NAALADL2: variants seen among roughly 807,000 people sequenced by gnomAD.
The protein encoded by NAALADL2 is N-acetylated alpha-linked acidic dipeptidase like 2, also known as inactive N-acetylated-alpha-linked acidic dipeptidase-like protein 2.
NAALADL2 carries 76 observed loss-of-function variants against 87.2 expected under a neutral mutation model. That is an observed-to-expected ratio of 0.87 (90% CI 0.72 to 1.05). The LOEUF is 1.05. Ranked by LOEUF, NAALADL2 falls within the 50% of genes least tolerant of loss-of-function variation. The pLI is 0.00. For synonymous variants in NAALADL2, 354 were observed against 331.0 expected (o/e 1.07, Z -0.75); for missense variants, 1,089 against 945.8 (o/e 1.15, Z -1.99).
At chr3:175,031,070 C>A (rs1752743290) in intron 1 of NAALADL2, among the ~76,000 whole-genome samples, 1 of 151,932 alleles carries the variant, frequency 6.6e-6, no homozygotes, top group Non-Finnish European at 1.5e-5. Context: ...TATTATAAAA[C>A]TGTTAAATAC....
intron 2 of NAALADL2, among the ~76,000 whole-genome samples, chr3:175,178,776 T>A (rs1438666431): frequency 6.6e-6 from 1 of 151,978 alleles, no homozygotes; most frequent in Non-Finnish European, 1.5e-5. Flanking sequence ...GGACCAGTGC[T>A]TGAAATCTTT....
intron 2 of NAALADL2, among the ~76,000 whole-genome samples, chr3:174,608,115 C>T (rs1406738974): frequency 6.6e-6 from 1 of 151,502 alleles, no homozygotes; most frequent in African/African-American, 2.4e-5. Flanking sequence ...TCTTTGAAAC[C>T]AACGAGAACA....
intron 2 of NAALADL2, among the ~76,000 whole-genome samples, chr3:174,552,341 A>G (rs1285821017): frequency 7.2e-5 from 11 of 152,206 alleles, no homozygotes; most frequent in Non-Finnish European, 1.6e-4. Flanking sequence ...CTAATTGTCT[A>G]GTATTAGAAT....
intron 5 of NAALADL2, among the ~76,000 whole-genome samples, chr3:175,418,793 T>C (rs1715127810): frequency 6.6e-6 from 1 of 152,012 alleles, no homozygotes; most frequent in African/African-American, 2.4e-5. Context: ...CTTGGTTTTA[T>C]ATTGCTTTGA....
chr3:175,505,801 G>C (rs1222379750), intron 9 of NAALADL2, among the ~76,000 whole-genome samples: 2 of 152,208 alleles, frequency 1.3e-5, no homozygotes, highest in Non-Finnish European at 2.9e-5. Flanking sequence ...GAGGTATAGA[G>C]TAAGAACTAT....
chr3:174,731,494 T>A (rs1156338228), intron 2 of NAALADL2, among the ~76,000 whole-genome samples: 1 of 152,136 alleles, frequency 6.6e-6, no homozygotes, highest in African/African-American at 2.4e-5. Context: ...TGGTGAAACA[T>A]AATTAATATA....
Position 175,206,532 on chromosome 3 carries a change from G to T in NAALADL2, c.546-27399G>T, listed in dbSNP as rs115293779. 6.3e-3 allele frequency among the ~76,000 whole-genome samples: 948 copies of T among 151,316 alleles called. 7 individuals carry two copies. The highest frequency in any genetic ancestry group is 0.02 in the African/African-American group (827 of 41,156). ...AAGCCATGAGGACACATAAGAGTGA[G>T]ACAATGGACTGTGGGGACTTGGTGG... On this transcript the variant is annotated intron_variant, in intron 2 of 13. Coordinates refer to ENST00000454872, the MANE Select transcript of NAALADL2 (RefSeq NM_207015.3).
chr3:174,465,009 A>G (rs1169387544), intron 1 of NAALADL2, among the ~76,000 whole-genome samples: 2 of 152,098 alleles, frequency 1.3e-5, no homozygotes, highest in Non-Finnish European at 2.9e-5. Context: ...AAACTTTGGT[A>G]TCTTACTTCA....
chr3:175,204,251 T>A (rs188848257), intron 2 of NAALADL2, among the ~76,000 whole-genome samples: 2 of 152,280 alleles, frequency 1.3e-5, no homozygotes, highest in Admixed American at 1.3e-4. Context: ...TCTGCCATGA[T>A]CAAGTGGGTT....
intron 1 of NAALADL2, among the ~76,000 whole-genome samples, chr3:175,003,057 G>A (rs951230775): frequency 3.3e-5 from 5 of 152,218 alleles, no homozygotes; most frequent in Non-Finnish European, 7.3e-5. Flanking sequence ...AGTGCTCACT[G>A]TAGAGAAGCT....
At chr3:174,512,468 G>A (rs1719663444) in intron 1 of NAALADL2, among the ~76,000 whole-genome samples, 1 of 152,090 alleles carries the variant, frequency 6.6e-6, no homozygotes, top group South Asian at 2.1e-4. Flanking sequence ...GAACTGTTGA[G>A]AACTCTGAAA....
At chr3:175,225,879 C>G (rs1744086043) in intron 2 of NAALADL2, among the ~76,000 whole-genome samples, 1 of 152,066 alleles carries the variant, frequency 6.6e-6, no homozygotes. Flanking sequence ...ATGAAATTAT[C>G]TCCTGCACAA....
At chr3:175,339,157 G>A (rs1762334859) in intron 5 of NAALADL2, among the ~76,000 whole-genome samples, 1 of 139,078 alleles carries the variant, frequency 7.2e-6, no homozygotes, top group Non-Finnish European at 1.7e-5. Context: ...TTAAATCTTG[G>A]ATTTAATATT....
In NAALADL2 at chr3:175,340,999, G is replaced by GT. The variant is rs574283868; in HGVS notation, c.1090+16685dup. Among the ~76,000 whole-genome samples the GT allele has an allele frequency of 7.0e-3, 1,021 of 145,190 alleles. 7 individuals carry two copies. Among genetic ancestry groups the GT allele is most frequent in the African/African-American group, 0.019 (742 of 40,052 alleles). On this transcript the variant is annotated intron_variant, in intron 5 of 13. Coordinates refer to ENST00000454872, the MANE Select transcript of NAALADL2 (RefSeq NM_207015.3). ...CCAAGAAAGTGTGACTTCAACTAAG[G>GT]TTTTTTTTTTTAATGAGATATGATT...
intron 12 of NAALADL2, among the ~76,000 whole-genome samples, chr3:175,739,018 C>A (rs1436231369): frequency 6.6e-6 from 1 of 151,568 alleles, no homozygotes; most frequent in Non-Finnish European, 1.5e-5. Context: ...ATTGGTATTC[C>A]ATATAAAACT....
intron 1 of NAALADL2, among the ~76,000 whole-genome samples, chr3:174,971,181 T>G (rs1207197666): frequency 6.6e-6 from 1 of 152,096 alleles, no homozygotes; most frequent in Non-Finnish European, 1.5e-5. Context: ...CCTCCTGGGT[T>G]CCTCCCAAAA....
intron 1 of NAALADL2, among the ~76,000 whole-genome samples, chr3:174,550,213 T>C (rs1410846949): frequency 2.0e-5 from 3 of 151,990 alleles, no homozygotes; most frequent in Non-Finnish European, 2.9e-5. Flanking sequence ...TGCACCAAAA[T>C]GAAGATTTTT....
chr3:174,714,826 A>C (rs1437197883), intron 2 of NAALADL2, among the ~76,000 whole-genome samples: 1 of 152,184 alleles, frequency 6.6e-6, no homozygotes, highest in East Asian at 1.9e-4. Flanking sequence ...CAGAAATTCC[A>C]ACACTATGTT....
intron 11 of NAALADL2, chr3:175,676,235 CAAG>C (rs1734757423): frequency 6.6e-6 from 1 of 152,138 alleles, no homozygotes; most frequent in African/African-American, 2.4e-5. Flanking sequence ...AAGTAGATGA[CAAG>C]CAATATGCTT....
Sources: gnomAD v4.1 joint callset for allele counts (sites outside exome capture counted in the v4.1 genomes callset) on GRCh38, gnomAD v4.1.1 for gene constraint, MANE v1.5 for transcripts, NCBI Gene and HGNC (gene_info 2026-07-23, HGNC 2026-07-21) for gene names.